POU2F1: variants seen among roughly 807,000 people sequenced by gnomAD.
POU2F1 encodes the protein POU class 2 homeobox 1.
A neutral mutation model predicts 84.9 loss-of-function variants in POU2F1; 16 were observed. The ratio of observed to expected loss-of-function variants is 0.19; its 90% CI spans 0.13 to 0.29. The LOEUF is 0.29. Ranked by LOEUF, POU2F1 falls within the 10% of genes least tolerant of loss-of-function variation. The pLI is 1.00. For synonymous variants in POU2F1, 368 were observed against 368.3 expected (o/e 1.00, Z 0.01); for missense variants, 738 against 942.6 (o/e 0.78, Z 2.84).
intron 1 of POU2F1, among the ~76,000 whole-genome samples, chr1:167,299,733 C>A (rs1256433394): frequency 6.8e-6 from 1 of 146,232 alleles, no homozygotes. Flanking sequence ...CTGTTCCTCA[C>A]CTAGTTCCAA....
chr1:167,249,815 C>T (rs1571163961), intron 1 of POU2F1, among the ~76,000 whole-genome samples: 1 of 152,070 alleles, frequency 6.6e-6, no homozygotes, highest in East Asian at 1.9e-4. Flanking sequence ...AAGTGACAGT[C>T]GTGAGAGTTC....
At chr1:167,245,681 G>A (rs1650263367) in intron 1 of POU2F1, among the ~76,000 whole-genome samples, 1 of 152,002 alleles carries the variant, frequency 6.6e-6, no homozygotes, top group Non-Finnish European at 1.5e-5. Flanking sequence ...CCAAAGTGCT[G>A]GAATTACAGG....
chr1:167,253,080 C>G (rs976195120), intron 1 of POU2F1, among the ~76,000 whole-genome samples: 1 of 152,134 alleles, frequency 6.6e-6, no homozygotes, highest in Non-Finnish European at 1.5e-5. Flanking sequence ...AATGAGATGG[C>G]CCAAAGAGCA....
rs1328360818 is a variant in POU2F1, at chr1:167,426,370, A to C, written c.*10560A>C. The C allele has an allele frequency of 6.6e-6, 1 of 152,208 alleles. No individual in the cohort carries two copies. The highest frequency in any genetic ancestry group is 6.5e-5 in the Admixed American group (1 of 15,284). 9.4% of individuals were successfully genotyped at this position (152,208 alleles called of 1,614,324 possible). A position where few individuals can be genotyped will look rare whatever the true frequency, so the allele number is the denominator to read the frequency against. On this transcript the variant is annotated 3_prime_UTR_variant, in exon 16 of 16. Transcript: ENST00000367866. The stretch of plus-strand genomic sequence containing the variant: ...ATTTTTGTATGTTTTGGGTGTGTCT[A>C]TGTATGTATTAACATAACAGTTTTC...
chr1:167,280,494 C>G (rs779370664), intron 1 of POU2F1, among the ~76,000 whole-genome samples: 5 of 151,934 alleles, frequency 3.3e-5, no homozygotes, highest in Non-Finnish European at 7.4e-5. Flanking sequence ...GTCAGTCATC[C>G]TGTATCAGTG....
At position 167,395,884 on chromosome 1, in the gene POU2F1, G is replaced by A. The variant is rs79312891; in HGVS notation, c.988-402G>A. Among the ~76,000 whole-genome samples the A allele has an allele frequency of 7.4e-3, 1,133 of 152,296 alleles. 14 individuals carry two copies. Among genetic ancestry groups the A allele is most frequent in the African/African-American group, 0.025 (1,046 of 41,554 alleles). Reference sequence around the variant, plus strand: ...GCTTCCCAAAATGCTGGGATTAAAGGTGTGAGCCACTGTGCCCAGACCAGA... The same window carrying A: ...GCTTCCCAAAATGCTGGGATTAAAGATGTGAGCCACTGTGCCCAGACCAGA... On this transcript the variant is annotated intron_variant, in intron 9 of 15. Coordinates refer to ENST00000367866, the MANE Select transcript of POU2F1 (RefSeq NM_002697.4).
chr1:167,300,977 C>T (rs1053131554), intron 1 of POU2F1, among the ~76,000 whole-genome samples: 21 of 152,034 alleles, frequency 1.4e-4, no homozygotes, highest in Non-Finnish European at 2.9e-5. Context: ...ACCATGTTGG[C>T]CAGGCTGGTC....
At position 167,412,013 on chromosome 1, in the gene POU2F1, C is replaced by T. The variant is rs780641145; in HGVS notation, c.1610C>T (p.Pro537Leu). The change falls in exon 14 of 16, where the codon CCA becomes CTA. Residue 537 changes from proline to leucine, a missense_variant. Physicochemically the swap from Pro to Leu is moderately conservative, Grantham distance 98. Transcript: ENST00000367866. ...NTATVISTAP[P>L]ASSAVTSPSL... ...GCAACCGTGATTTCCACAGCGCCTC[C>T]AGCTTCCTCAGCAGTCACGTCCCCC... 4 of 1,614,058 alleles carry T rather than the reference C, an allele frequency of 2.5e-6. No homozygotes were observed. The Admixed American group carries it at 5.0e-5, about 20-fold the overall frequency.
chr1:167,322,076 T>G (rs1656352699), intron 1 of POU2F1, among the ~76,000 whole-genome samples: 1 of 152,230 alleles, frequency 6.6e-6, no homozygotes, highest in Admixed American at 6.5e-5. Flanking sequence ...CGGCCAGTGC[T>G]GTAGAGAAAT....
At chr1:167,295,544 T>G (rs1654236022) in intron 1 of POU2F1, among the ~76,000 whole-genome samples, 2 of 152,110 alleles carry the variant, frequency 1.3e-5, no homozygotes, top group African/African-American at 4.8e-5. Context: ...GAGTGCCAGA[T>G]AAAAAAACTA....
At chr1:167,279,598 A>G (rs1334025012) in intron 1 of POU2F1, among the ~76,000 whole-genome samples, 1 of 152,160 alleles carries the variant, frequency 6.6e-6, no homozygotes, top group African/African-American at 2.4e-5. Context: ...CACACCTGTA[A>G]TCCCAACTAC....
At chr1:167,385,729 T>G (rs1209673084) in intron 8 of POU2F1, among the ~76,000 whole-genome samples, 4 of 152,170 alleles carry the variant, frequency 2.6e-5, no homozygotes, top group Admixed American at 2.0e-4. Flanking sequence ...TAGGCAAGGA[T>G]TTCTTAAATA....
chr1:167,286,716 A>G (rs1653554486), intron 1 of POU2F1, among the ~76,000 whole-genome samples: 1 of 152,204 alleles, frequency 6.6e-6, no homozygotes, highest in Non-Finnish European at 1.5e-5. Flanking sequence ...GTGTAGTGCT[A>G]TGGAAACACA....
chr1:167,364,129 A>T (rs945683264), intron 2 of POU2F1, among the ~76,000 whole-genome samples: 11 of 152,240 alleles, frequency 7.2e-5, no homozygotes, highest in Non-Finnish European at 1.5e-4. Context: ...TAATAACTGG[A>T]TATAGTAATT....
rs12071535 is a variant in POU2F1 at position 167,326,387 on chromosome 1, C to T, written c.62-6083C>T. Among the ~76,000 whole-genome samples, 1,202 of 151,102 alleles carry T rather than the reference C, an allele frequency of 8.0e-3. 16 individuals are homozygous for T. Among genetic ancestry groups the T allele is most frequent in the African/African-American group, 0.028 (1,154 of 41,496 alleles). On this transcript the variant is annotated intron_variant, in intron 1 of 15. Transcript: ENST00000367866. ...TGACCAAGTGAAATGGACATTTGAA[C>T]TTTGTGGGAAAAGCTGTCATTTTCT...
At chr1:167,359,923 A>G (rs758805256) in intron 2 of POU2F1, among the ~76,000 whole-genome samples, 3 of 137,618 alleles carry the variant, frequency 2.2e-5, no homozygotes, top group Non-Finnish European at 3.1e-5. Flanking sequence ...TTTGATTTGT[A>G]TTTCTGATGA....
intron 1 of POU2F1, among the ~76,000 whole-genome samples, chr1:167,237,746 G>GTGTGTGTGTATATATATATATATATA (rs1478366181): frequency 6.8e-5 from 5 of 73,000 alleles, no homozygotes; most frequent in Non-Finnish European, 9.7e-5. Flanking sequence ...ATGTGTGTGT[G>GTGTGTGTGTATATATATATATATATA]TATATATATA....
chr1:167,231,255 T>A (rs1159042418), intron 1 of POU2F1, among the ~76,000 whole-genome samples: 1 of 152,200 alleles, frequency 6.6e-6, no homozygotes, highest in Non-Finnish European at 1.5e-5. Flanking sequence ...CTTTTTAAAC[T>A]GGAATTATTC....
intron 1 of POU2F1, among the ~76,000 whole-genome samples, chr1:167,277,436 G>C (rs1184212729): frequency 6.6e-6 from 1 of 150,646 alleles, no homozygotes; most frequent in Non-Finnish European, 1.5e-5. Context: ...AGCTGGAATT[G>C]AATCTGTTCA....
Sources: allele counts gnomAD v4.1 joint callset (sites outside exome capture counted in the v4.1 genomes callset), GRCh38; gene constraint gnomAD v4.1.1; transcripts MANE v1.5; gene names NCBI Gene and HGNC (gene_info 2026-07-23, HGNC 2026-07-21).